The following DPYD variants were observed in gnomAD, a reference collection of about 807,000 sequenced individuals.
DPYD encodes the protein dihydropyrimidine dehydrogenase, also known as dihydropyrimidine dehydrogenase [NADP(+)].
In DPYD, 109 loss-of-function variants were observed where a neutral mutation model predicts 116.2. The ratio of observed to expected loss-of-function variants is 0.94; its 90% CI spans 0.80 to 1.10. The LOEUF (loss-of-function observed/expected upper bound fraction) is 1.10. Among genes scored for constraint, DPYD ranks in the 50% least tolerant of loss-of-function variants. The pLI is 0.00. For missense variants in DPYD, 1,302 were observed against 1,254.5 expected, an observed-to-expected ratio of 1.04 and a Z score of -0.57; for synonymous variants, 440 against 432.0, an observed-to-expected ratio of 1.02 and a Z score of -0.23.
chr1:97,097,635 C>T (rs1227198176), intron 21 of DPYD, among the ~76,000 whole-genome samples: 1 of 152,084 alleles, frequency 6.6e-6, no homozygotes, highest in Non-Finnish European at 1.5e-5. Flanking sequence ...GGCGTGGTTA[C>T]AAAAGGGTTA....
chr1:97,346,559 T>C (rs1242060367), intron 16 of DPYD, among the ~76,000 whole-genome samples: 2 of 151,850 alleles, frequency 1.3e-5, no homozygotes, highest in South Asian at 2.1e-4. Context: ...AGAATCCTTA[T>C]AGATTATAAG....
At chr1:97,548,714 C>A (rs1557789981) in intron 12 of DPYD, among the ~76,000 whole-genome samples, 1 of 152,044 alleles carries the variant, frequency 6.6e-6, no homozygotes, top group South Asian at 2.1e-4. Flanking sequence ...CCAGCCTGGG[C>A]ATTAGAGCGA....
In DPYD at chr1:97,746,108, C is replaced by T. The variant is rs139821528; in HGVS notation, c.234-5629G>A. ...GTATCACATAGTTTTGAAGGCTTAC[C>T]CAACCTTAGTAGTCATTGAGGCACT... is the stretch of plus-strand genomic sequence containing the variant. On this transcript the variant is annotated intron_variant, in intron 3 of 22. Coordinates refer to ENST00000370192, the MANE Select transcript of DPYD (RefSeq NM_000110.4). Among the ~76,000 whole-genome samples the T allele has an allele frequency of 3.0e-3, 456 of 152,092 alleles. 6 individuals are homozygous for T. The highest frequency in any genetic ancestry group is 5.4e-3 in the Non-Finnish European group (368 of 67,914).
chr1:97,382,520 ATATATT>A, intron 14 of DPYD, 59 bp from the exon 15 acceptor site: 1 of 939,318 alleles, frequency 1.1e-6, no homozygotes, highest in African/African-American at 1.7e-5. Context: ...GTACACAAAG[ATATATT>A]AATATTTACA....
chr1:97,181,886 T>G (rs551199441), intron 20 of DPYD, among the ~76,000 whole-genome samples: 1 of 152,180 alleles, frequency 6.6e-6, no homozygotes, highest in East Asian at 1.9e-4. Flanking sequence ...AGGATTTCTC[T>G]TTTTTATCAC....
intron 8 of DPYD, among the ~76,000 whole-genome samples, chr1:97,619,166 A>G (rs966056376): frequency 5.9e-5 from 9 of 152,230 alleles, no homozygotes. Flanking sequence ...CTTACATTCT[A>G]GAAAAGTGTA....
intron 7 of DPYD, among the ~76,000 whole-genome samples, chr1:97,689,742 A>G (rs1388677823): frequency 5.9e-5 from 9 of 152,042 alleles, no homozygotes; most frequent in Non-Finnish European, 1.5e-5. Flanking sequence ...AGCACAGACC[A>G]CTTTGTCAAA....
chr1:97,359,088 C>G (rs11582697), intron 16 of DPYD, among the ~76,000 whole-genome samples: 1 of 151,922 alleles, frequency 6.6e-6, no homozygotes. Flanking sequence ...GAATGGCCAC[C>G]TAGAATAAAC....
In DPYD at chr1:97,593,206, G is replaced by T. The variant is rs768335553; in HGVS notation, c.1128+12C>A. On this transcript the variant is annotated intron_variant, in intron 10 of 22. Coordinates refer to ENST00000370192, the MANE Select transcript of DPYD (RefSeq NM_000110.4). ...GAGTACAACTCCATATTTTCTGATG[G>T]TTCCATTTTACCTCCTCAGGGACAG... is the stretch of plus-strand genomic sequence containing the variant. 1.9e-6 allele frequency: 3 copies of T among 1,613,550 alleles called. No homozygotes were observed. The Admixed American group carries it at 5.0e-5, about 27-fold the overall frequency.
At chr1:97,711,448 G>T (rs568597191) in intron 5 of DPYD, among the ~76,000 whole-genome samples, 1 of 151,896 alleles carries the variant, frequency 6.6e-6, no homozygotes, top group African/African-American at 2.4e-5. Flanking sequence ...GTAGGTGAAT[G>T]AGTATTTGAA....
intron 4 of DPYD, among the ~76,000 whole-genome samples, chr1:97,732,488 A>G (rs1413141636): frequency 6.6e-6 from 1 of 151,840 alleles, no homozygotes; most frequent in Admixed American, 6.6e-5. Flanking sequence ...AAAAAAAAAA[A>G]AAAGTAAAAA....
chr1:97,589,633 C>A (rs769847896), intron 10 of DPYD, among the ~76,000 whole-genome samples: 1 of 152,176 alleles, frequency 6.6e-6, no homozygotes, highest in African/African-American at 2.4e-5. Context: ...TTAAATGTAA[C>A]TGGCTTCTGT....
At chr1:97,195,646 A>G (rs892968745) in intron 19 of DPYD, among the ~76,000 whole-genome samples, 427 of 8,328 alleles carry the variant, frequency 0.051, 21 homozygotes, top group South Asian at 0.15. Context: ...ATATATATAT[A>G]TATATATATA....
At chr1:97,739,152 A>C (rs1299731634) in intron 4 of DPYD, among the ~76,000 whole-genome samples, 2 of 152,280 alleles carry the variant, frequency 1.3e-5, no homozygotes, top group Middle Eastern at 3.4e-3. Context: ...TTATTAAAAA[A>C]TGTGATTTTA....
At chr1:97,903,850 T>A (rs537962047) in intron 1 of DPYD, among the ~76,000 whole-genome samples, 1 of 152,072 alleles carries the variant, frequency 6.6e-6, no homozygotes, top group South Asian at 2.1e-4. Flanking sequence ...TCCAAAAATC[T>A]GACGGCTGAA....
intron 14 of DPYD, among the ~76,000 whole-genome samples, chr1:97,445,264 A>G (rs1676012583): frequency 6.6e-6 from 1 of 152,214 alleles, no homozygotes; most frequent in South Asian, 2.1e-4. Context: ...CCCAGTTTAC[A>G]GAGGCTGTGC....
At chr1:97,566,792 T>G (rs746502872) in intron 11 of DPYD, among the ~76,000 whole-genome samples, 1 of 152,166 alleles carries the variant, frequency 6.6e-6, no homozygotes, top group Non-Finnish European at 1.5e-5. Flanking sequence ...GTAGCTTCTA[T>G]AAGATATGTT....
intron 20 of DPYD, among the ~76,000 whole-genome samples, chr1:97,103,052 A>T (rs1570459611): frequency 6.6e-6 from 1 of 152,032 alleles, no homozygotes; most frequent in Non-Finnish European, 1.5e-5. Flanking sequence ...GGGTTCTCTG[A>T]GTCTGTTTCA....
At chr1:97,389,777 T>G (rs772507389) in intron 14 of DPYD, among the ~76,000 whole-genome samples, 1 of 151,738 alleles carries the variant, frequency 6.6e-6, no homozygotes, top group Non-Finnish European at 1.5e-5. Context: ...ATGCAAAGTA[T>G]GATAATTTAC....
Sources: allele counts gnomAD v4.1 joint callset (sites outside exome capture counted in the v4.1 genomes callset), GRCh38; gene constraint gnomAD v4.1.1; transcripts MANE v1.5; gene names NCBI Gene and HGNC (gene_info 2026-07-23, HGNC 2026-07-21).